EYS: variants seen among roughly 807,000 people sequenced by gnomAD.
EYS encodes the protein EGF-like photoreceptor maintenance factor, also known as protein eyes shut homolog.
Under a neutral mutation model 282.1 loss-of-function variants are expected in EYS, and 250 were observed. That is an observed-to-expected ratio of 0.89 (90% CI 0.80 to 0.98). The LOEUF (loss-of-function observed/expected upper bound fraction) is 0.98, where lower values mean the gene tolerates loss of function less well. EYS is among the 50% of genes least tolerant of loss of function. The pLI is 0.00. For missense variants in EYS, 4,016 were observed against 3,709.0 expected (o/e 1.08, Z -2.15); for synonymous variants, 1,355 against 1,282.9 (o/e 1.06, Z -1.20).
chr6:63,993,336 C>T (rs1767689456), intron 34 of EYS, among the ~76,000 whole-genome samples: 2 of 150,432 alleles, frequency 1.3e-5, no homozygotes, highest in South Asian at 2.1e-4. Flanking sequence ...AAAAAAGGAA[C>T]AAAATGCATC....
chr6:63,914,021 T>C (rs1005515805), intron 35 of EYS, among the ~76,000 whole-genome samples: 2 of 152,194 alleles, frequency 1.3e-5, no homozygotes, highest in Non-Finnish European at 2.9e-5. Flanking sequence ...GATGTTACTA[T>C]TGTAATTGTT....
At chr6:63,881,515 T>C (rs1032862111) in intron 35 of EYS, among the ~76,000 whole-genome samples, 10 of 152,320 alleles carry the variant, frequency 6.6e-5, no homozygotes, top group East Asian at 5.8e-4. Context: ...CTAATATATA[T>C]AAATTATGAG....
intron 26 of EYS, among the ~76,000 whole-genome samples, chr6:64,510,017 T>G (rs1777333836): frequency 6.6e-6 from 1 of 152,184 alleles, no homozygotes; most frequent in South Asian, 2.1e-4. Flanking sequence ...ATAATGCATA[T>G]TCAAATCTAC....
chr6:63,764,592 CAG>C (rs1769736607), intron 40 of EYS, among the ~76,000 whole-genome samples: 1 of 151,746 alleles, frequency 6.6e-6, no homozygotes. Context: ...GCCTTATAGA[CAG>C]AGCTCACAAT....
intron 30 of EYS, among the ~76,000 whole-genome samples, chr6:64,299,759 A>C (rs1433685657): frequency 6.6e-6 from 1 of 152,236 alleles, no homozygotes; most frequent in Non-Finnish European, 1.5e-5. Context: ...AATGGTTTTC[A>C]GAAGAAGGTA....
intron 24 of EYS, among the ~76,000 whole-genome samples, chr6:64,598,339 T>C (rs565102606): frequency 1.3e-5 from 2 of 152,250 alleles, no homozygotes; most frequent in African/African-American, 4.8e-5. Flanking sequence ...CGGGCGTCTG[T>C]AGTCCCAGCT....
chr6:64,303,229 C>G (rs11753319), intron 30 of EYS, among the ~76,000 whole-genome samples: 5,727 of 152,302 alleles, frequency 0.038, 164 homozygotes, highest in Non-Finnish European at 0.054. Flanking sequence ...TATCATACCC[C>G]CAGTGGGGTT....
intron 29 of EYS, among the ~76,000 whole-genome samples, chr6:64,326,935 G>A (rs538891064): frequency 3.6e-4 from 55 of 152,238 alleles, no homozygotes; most frequent in South Asian, 3.5e-3. Flanking sequence ...AGTCCAACCC[G>A]AGGGGGTTGG....
intron 11 of EYS, among the ~76,000 whole-genome samples, chr6:65,319,179 C>A: frequency 1.4e-5 from 1 of 73,202 alleles, no homozygotes; most frequent in African/African-American, 6.0e-5. Flanking sequence ...GCCAACATGG[C>A]AAAACCCCGT....
intron 2 of EYS, among the ~76,000 whole-genome samples, chr6:65,555,099 T>C (rs991684293): frequency 3.9e-5 from 6 of 152,072 alleles, no homozygotes; most frequent in Non-Finnish European, 5.9e-5. Flanking sequence ...AAACCCAAGA[T>C]GATCATCAGG....
chr6:65,440,101 A>G (rs1768253362), intron 5 of EYS, among the ~76,000 whole-genome samples: 1 of 152,110 alleles, frequency 6.6e-6, no homozygotes, highest in South Asian at 2.1e-4. Flanking sequence ...GATAAATCAC[A>G]TAATTGTGAA....
At position 63,720,958 on chromosome 6, in the gene EYS, C is replaced by T. The variant is rs1768358965; in HGVS notation, c.9073G>A (p.Gly3025Arg). 6.4e-7 allele frequency: 1 copy of T among 1,551,234 alleles called. No homozygotes were observed. The highest frequency in any genetic ancestry group is 8.7e-7 in the Non-Finnish European group (1 of 1,146,782). Reference protein sequence around the residue: ...NQTLKIAVNLGERISVPMSYN... With the variant: ...NQTLKIAVNLRERISVPMSYN... ...CTCATAGGCACAGAGATTCTTTCTC[C>T]CAAGTTAACTGCTATTTTCAAGGTC... Residue 3025 changes from glycine (G) to arginine (R), a missense_variant, in exon 43 of 43, where the codon GGA (glycine) becomes AGA (arginine). By Grantham distance (125) the Gly-to-Arg change is moderately radical (BLOSUM62 -2). Transcript: ENST00000503581.
chr6:64,929,833 T>A (rs576885965), intron 15 of EYS, among the ~76,000 whole-genome samples: 1 of 152,276 alleles, frequency 6.6e-6, no homozygotes, highest in East Asian at 1.9e-4. Context: ...ATGATGATGA[T>A]CTCAAACCAT....
chr6:64,857,053 GC>G (rs1178731399), intron 19 of EYS, among the ~76,000 whole-genome samples: 1 of 152,000 alleles, frequency 6.6e-6, no homozygotes, highest in African/African-American at 2.4e-5. Context: ...TTATTGAGTT[GC>G]CTTTGCTCTT....
chr6:65,318,268 C>T (rs1036448121), intron 11 of EYS, among the ~76,000 whole-genome samples: 6 of 151,626 alleles, frequency 4.0e-5, no homozygotes, highest in African/African-American at 1.5e-4. Flanking sequence ...TCCTCTTTTC[C>T]AGCAATAGAT....
At chr6:64,687,658 CAGGGA>C (rs1163073293) in intron 22 of EYS, among the ~76,000 whole-genome samples, 1 of 152,208 alleles carries the variant, frequency 6.6e-6, no homozygotes, top group Non-Finnish European at 1.5e-5. Context: ...CAATGTTCAT[CAGGGA>C]TATTAGTCTA....
chr6:65,046,398 G>A (rs935744064), intron 13 of EYS, among the ~76,000 whole-genome samples: 5 of 151,908 alleles, frequency 3.3e-5, no homozygotes, highest in Admixed American at 2.6e-4. Flanking sequence ...AGGTACATTA[G>A]GGACTATAAC....
chr6:64,302,811 C>T (rs1282700345), intron 30 of EYS, among the ~76,000 whole-genome samples: 1 of 152,144 alleles, frequency 6.6e-6, no homozygotes, highest in Non-Finnish European at 1.5e-5. Context: ...CCTCTCAAGA[C>T]ATAAAACCTG....
intron 5 of EYS, among the ~76,000 whole-genome samples, chr6:65,407,705 T>A (rs1028960883): frequency 6.6e-6 from 1 of 151,912 alleles, no homozygotes; most frequent in Non-Finnish European, 1.5e-5. Context: ...CATTTGTGAA[T>A]AAAGACAGTT....
Sources: gnomAD v4.1 joint callset for allele counts (sites outside exome capture counted in the v4.1 genomes callset) on GRCh38, gnomAD v4.1.1 for gene constraint, MANE v1.5 for transcripts, NCBI Gene and HGNC (gene_info 2026-07-23, HGNC 2026-07-21) for gene names.